Variants in PKNOX2 observed in about 807,000 individuals in gnomAD.
PKNOX2 encodes the protein homeobox protein PKNOX2.
PKNOX2 carries 14 observed loss-of-function variants against 53.1 expected under a neutral mutation model. The ratio of observed to expected loss-of-function variants is 0.26; its 90% CI spans 0.17 to 0.41. The LOEUF is 0.41. Among genes scored for constraint, PKNOX2 ranks in the 10% least tolerant of loss-of-function variants. The pLI is 1.00. For missense variants in PKNOX2, 496 were observed against 602.8 expected (o/e 0.82, Z 1.85); for synonymous variants, 257 against 242.8 (o/e 1.06, Z -0.54).
Position 125,260,514 on chromosome 11 carries a change from T to A in PKNOX2, c.-130+25399T>A, listed in dbSNP as rs191384021. Among the ~76,000 whole-genome samples, 517 of 152,296 alleles carry A rather than the reference T, an allele frequency of 3.4e-3. 5 individuals carry two copies. The highest frequency in any genetic ancestry group is 5.9e-3 in the Non-Finnish European group (400 of 68,026). On this transcript the variant is annotated intron_variant, in intron 2 of 12. Coordinates refer to ENST00000298282, the MANE Select transcript of PKNOX2 (RefSeq NM_001382323.2). ...GCCCAGCCTGTTTTATGGTTTTTTT[T>A]AATCAGAAAGGTGATTGATGCTCAC...
At chr11:125,327,829 A>C (rs1227166263) in intron 2 of PKNOX2, among the ~76,000 whole-genome samples, 6 of 152,206 alleles carry the variant, frequency 3.9e-5, no homozygotes, top group Admixed American at 1.3e-4. Context: ...AGTTCTGGGA[A>C]GGAGAATTCC....
At chr11:125,180,572 G>C (rs1591471367) in intron 1 of PKNOX2, among the ~76,000 whole-genome samples, 1 of 152,212 alleles carries the variant, frequency 6.6e-6, no homozygotes, top group Non-Finnish European at 1.5e-5. Flanking sequence ...TACTTCAGGG[G>C]CTTGTGAAAG....
At chr11:125,280,841 T>A (rs1353448774) in intron 2 of PKNOX2, among the ~76,000 whole-genome samples, 2 of 152,174 alleles carry the variant, frequency 1.3e-5, no homozygotes, top group Admixed American at 6.5e-5. Context: ...GCCAGGGTGA[T>A]GGACATCTGT....
At chr11:125,205,231 C>T (rs1026035501) in intron 1 of PKNOX2, among the ~76,000 whole-genome samples, 1 of 152,114 alleles carries the variant, frequency 6.6e-6, no homozygotes. Context: ...GTGTGTGGTA[C>T]ATAGTGGGGC....
chr11:125,281,848 A>C (rs1946580927), intron 2 of PKNOX2, among the ~76,000 whole-genome samples: 1 of 152,214 alleles, frequency 6.6e-6, no homozygotes, highest in African/African-American at 2.4e-5. Flanking sequence ...TCCAGGGAAG[A>C]ATTTTATTTT....
At chr11:125,263,298 A>G (rs1945025945) in intron 2 of PKNOX2, among the ~76,000 whole-genome samples, 1 of 152,168 alleles carries the variant, frequency 6.6e-6, no homozygotes, top group Admixed American at 6.5e-5. Context: ...GGGCAGGCTC[A>G]GCCGCTCCCT....
rs138928504 is a variant in PKNOX2 at position 125,419,014 on chromosome 11, T to G, written c.936+7149T>G. ...TTTGGTCCCCCACGGACACTGGAGG[T>G]TGACTCTCTCTAGCTGTATCTCTGT... On this transcript the variant is annotated intron_variant, in intron 10 of 12. Transcript: ENST00000298282. Among the ~76,000 whole-genome samples the G allele has an allele frequency of 6.3e-3, 952 of 151,920 alleles. 29 individuals are homozygous for G. The highest frequency in any genetic ancestry group is 0.021 in the African/African-American group (877 of 41,272).
At chr11:125,178,996 G>A (rs1276311069) in intron 1 of PKNOX2, among the ~76,000 whole-genome samples, 4 of 152,026 alleles carry the variant, frequency 2.6e-5, no homozygotes, top group Admixed American at 1.3e-4. Flanking sequence ...GATGGCGCAG[G>A]TCCTTCCCCT....
At chr11:125,398,482 C>T (rs1319453910) in intron 7 of PKNOX2, among the ~76,000 whole-genome samples, 1 of 152,188 alleles carries the variant, frequency 6.6e-6, no homozygotes, top group African/African-American at 2.4e-5. Context: ...AGCAGTCATT[C>T]CCTGAATCCT....
At chr11:125,368,043 T>C (rs1281191148) in intron 5 of PKNOX2, 58 bp downstream of exon 5, 19 of 1,563,018 alleles carry the variant, frequency 1.2e-5, no homozygotes, top group Admixed American at 2.0e-5. Context: ...CCAGCTCAGC[T>C]GTGAGGGATG....
chr11:125,243,589 A>G (rs1943324315), intron 2 of PKNOX2, among the ~76,000 whole-genome samples: 1 of 150,800 alleles, frequency 6.6e-6, no homozygotes, highest in South Asian at 2.1e-4. Context: ...GTTTACTGCC[A>G]TGAGGGAGTC....
At chr11:125,396,217 G>T (rs1046983109) in intron 6 of PKNOX2, among the ~76,000 whole-genome samples, 3 of 152,160 alleles carry the variant, frequency 2.0e-5, no homozygotes, top group African/African-American at 4.8e-5. Context: ...ATGTCCCAAA[G>T]TGCTGGGATT....
At chr11:125,209,752 T>C (rs747067709) in intron 1 of PKNOX2, among the ~76,000 whole-genome samples, 6 of 151,578 alleles carry the variant, frequency 4.0e-5, no homozygotes, top group Non-Finnish European at 7.4e-5. Context: ...GAAAAACAAA[T>C]AAAGAGGCAA....
chr11:125,263,243 C>G (rs1945019744), intron 2 of PKNOX2, among the ~76,000 whole-genome samples: 1 of 152,238 alleles, frequency 6.6e-6, no homozygotes, highest in Non-Finnish European at 1.5e-5. Context: ...AAGGAGACCT[C>G]CTCTCTCTAG....
intron 2 of PKNOX2, among the ~76,000 whole-genome samples, chr11:125,312,614 G>T (rs1039198915): frequency 2.0e-5 from 3 of 152,152 alleles, no homozygotes; most frequent in African/African-American, 4.8e-5. Context: ...CAGACCCACC[G>T]CACCCTGCCT....
chr11:125,327,498 C>T (rs954714607), intron 2 of PKNOX2, among the ~76,000 whole-genome samples: 2 of 152,230 alleles, frequency 1.3e-5, no homozygotes, highest in East Asian at 1.9e-4. Flanking sequence ...CTTGGCCCTG[C>T]CTGCTGTGCT....
intron 2 of PKNOX2, among the ~76,000 whole-genome samples, chr11:125,274,360 C>T (rs1565485412): frequency 6.6e-6 from 1 of 152,134 alleles, no homozygotes; most frequent in Non-Finnish European, 1.5e-5. Flanking sequence ...AGCTCCACAT[C>T]CCAGCTCGCT....
At chr11:125,398,194 T>C (rs1451217803) in intron 7 of PKNOX2, 132 bp downstream of exon 7, 2 of 830,028 alleles carry the variant, frequency 2.4e-6, no homozygotes, top group Non-Finnish European at 1.8e-6. Context: ...ATGAGGGCCC[T>C]CCTCTGATGC....
intron 2 of PKNOX2, among the ~76,000 whole-genome samples, chr11:125,331,199 C>G (rs1950123203): frequency 6.6e-6 from 1 of 152,214 alleles, no homozygotes; most frequent in African/African-American, 2.4e-5. Flanking sequence ...AAAATTAATT[C>G]ACTTTAATCT....
Sources: allele counts gnomAD v4.1 joint callset (sites outside exome capture counted in the v4.1 genomes callset), GRCh38; gene constraint gnomAD v4.1.1; transcripts MANE v1.5; gene names NCBI Gene and HGNC (gene_info 2026-07-23, HGNC 2026-07-21).